Variants in SYNGR1 observed in about 807,000 individuals in gnomAD.
The protein encoded by SYNGR1 is synaptogyrin 1.
In SYNGR1, 14 loss-of-function variants were observed where a neutral mutation model predicts 26.1. The ratio of observed to expected loss-of-function variants is 0.54; its 90% CI spans 0.35 to 0.84. The LOEUF is 0.84. SYNGR1 is among the 40% of genes least tolerant of loss of function. SYNGR1 has a pLI of 0.01. For synonymous variants in SYNGR1, 141 were observed against 150.1 expected (o/e 0.94, Z 0.44); for missense variants, 319 against 332.9 (o/e 0.96, Z 0.33).
chr22:39,375,547 A>G (rs1601665160), intron 2 of SYNGR1: 1 of 277,440 alleles, frequency 3.6e-6, no homozygotes, highest in South Asian at 7.1e-5. Flanking sequence ...GCCCAGACCC[A>G]CCCAGCCAAG....
At chr22:39,366,270 T>G (rs1924754612) in intron 1 of SYNGR1, among the ~76,000 whole-genome samples, 1 of 150,344 alleles carries the variant, frequency 6.7e-6, no homozygotes, top group South Asian at 2.2e-4. Flanking sequence ...ATCACAGGCG[T>G]GAGCCACCAT....
chr22:39,350,061 C>G lies in SYNGR1; in HGVS notation c.51C>G (p.Pro17=), dbSNP rs1062694. Residue 17 remains proline, a synonymous_variant, in exon 1 of 4, where the codon CCC becomes CCG. Coordinates refer to ENST00000328933, the MANE Select transcript of SYNGR1 (RefSeq NM_004711.5). The surrounding 1 kb of genome is among the most constrained non-coding windows in gnomAD (Gnocchi z 4.3). ...GAGKAGGAFD[P]YTLVRQPHTI... ...GCAAAGCCGGGGGCGCCTTCGACCCCTACACCCTGGTCCGGCAGCCGCACA... is the reference window on the plus strand; with the variant it reads ...GCAAAGCCGGGGGCGCCTTCGACCCGTACACCCTGGTCCGGCAGCCGCACA... 6.8e-7 allele frequency: 1 copy of G among 1,461,904 alleles called. No homozygotes were observed. The highest frequency in any genetic ancestry group is 3.1e-5 in the East Asian group (1 of 32,564). The allele number at this position is 1,461,904 out of a possible 1,614,324, so 90.6% of individuals were successfully genotyped here.
chr22:39,368,393 G>C (rs1377497490), intron 1 of SYNGR1, among the ~76,000 whole-genome samples: 1 of 152,144 alleles, frequency 6.6e-6, no homozygotes, highest in African/African-American at 2.4e-5. Flanking sequence ...CCACACAATC[G>C]GCTCCCACAG....
chr22:39,376,385 C>T (rs774153214), intron 3 of SYNGR1, among the ~76,000 whole-genome samples, 188 bp downstream of exon 3: 2 of 152,148 alleles, frequency 1.3e-5, no homozygotes, highest in Admixed American at 6.5e-5. Flanking sequence ...GAGGCTACAG[C>T]CCTCGGGGGT....
intron 3 of SYNGR1, among the ~76,000 whole-genome samples, chr22:39,378,775 C>G (rs934923773): frequency 2.6e-5 from 4 of 152,230 alleles, no homozygotes; most frequent in Non-Finnish European, 4.4e-5. Context: ...TCCCTGGGCT[C>G]TCAGTAGAAC....
Position 39,385,033 on chromosome 22 carries a change from T to G in SYNGR1, c.*3119T>G, listed in dbSNP as rs1486295443. 2.5e-6 allele frequency: 1 copy of G among 398,910 alleles called. No individual in the cohort carries two copies. Among genetic ancestry groups the G allele is most frequent in the Non-Finnish European group, 4.4e-6 (1 of 226,102 alleles). The allele number at this position is 398,910 out of a possible 1,614,324, so 24.7% of individuals were successfully genotyped here. On this transcript the variant is annotated 3_prime_UTR_variant, in exon 4 of 4. Transcript: ENST00000328933. ...GTTAGTTCCCTACTCCATCCTTCCC[T>G]GGTGATTCTTGATCTTCAAAGCCTC...
intron 3 of SYNGR1, chr22:39,377,163 T>C: frequency 6.8e-7 from 1 of 1,471,304 alleles, no homozygotes; most frequent in Non-Finnish European, 9.0e-7. Flanking sequence ...CAGCCGTCCC[T>C]GTTTCCCCCA....
At chr22:39,363,140 G>T (rs1415322409) in intron 1 of SYNGR1, among the ~76,000 whole-genome samples, 1 of 152,124 alleles carries the variant, frequency 6.6e-6, no homozygotes, top group Non-Finnish European at 1.5e-5. Context: ...GAGTGTGAAT[G>T]CCCTGAGGCA....
chr22:39,353,241 T>C (rs1923997888), intron 1 of SYNGR1, among the ~76,000 whole-genome samples: 1 of 152,176 alleles, frequency 6.6e-6, no homozygotes, highest in Non-Finnish European at 1.5e-5. Context: ...CCCCAAATCA[T>C]GTAAGCTTCA....
At chr22:39,377,061 C>T in intron 3 of SYNGR1, 1 of 1,550,978 alleles carries the variant, frequency 6.4e-7, no homozygotes, top group Non-Finnish European at 8.7e-7. Flanking sequence ...AAGAGCCCTC[C>T]CCATAACCCA....
rs1229490446 is a variant in SYNGR1, at chr22:39,349,999, G to T, written c.-12G>T. On this transcript the variant is annotated 5_prime_UTR_variant, in exon 1 of 4. Transcript: ENST00000328933. ...CGCGCCGAGCGGGGGGCACCGCGCG[G>T]GTGCAGCCACGATGGAAGGGGGTGC... is the stretch of plus-strand genomic sequence containing the variant. The T allele has an allele frequency of 8.2e-7, 1 of 1,220,540 alleles. No individual in the cohort carries two copies. The highest frequency in any genetic ancestry group is 3.0e-5 in the Admixed American group (1 of 33,312). The allele number at this position is 1,220,540 out of a possible 1,614,324, so 75.6% of individuals were successfully genotyped here.
At chr22:39,370,988 GAT>G (rs1476449490) in intron 1 of SYNGR1, among the ~76,000 whole-genome samples, 2 of 152,200 alleles carry the variant, frequency 1.3e-5, no homozygotes, top group East Asian at 3.9e-4. Flanking sequence ...ATTCAATGTA[GAT>G]TTATTGGTTT....
chr22:39,385,128 C>A lies in SYNGR1; in HGVS notation c.*3214C>A. 1 of 397,582 alleles carries A rather than the reference C, an allele frequency of 2.5e-6. No individual in the cohort carries two copies. The highest frequency in any genetic ancestry group is 4.4e-6 in the Non-Finnish European group (1 of 225,592). 24.6% of individuals were successfully genotyped at this position (397,582 alleles called of 1,614,324 possible). On this transcript the variant is annotated 3_prime_UTR_variant, in exon 4 of 4. Coordinates refer to ENST00000328933, the MANE Select transcript of SYNGR1 (RefSeq NM_004711.5). ...AGCCCTGGGAGACCCCTAACCTTGG[C>A]CCAAGACCCCTTTGATTCTCTAAGG...
intron 3 of SYNGR1, among the ~76,000 whole-genome samples, chr22:39,380,918 G>A (rs1925478845): frequency 6.6e-6 from 1 of 152,044 alleles, no homozygotes; most frequent in African/African-American, 2.4e-5. Flanking sequence ...GTCGCGCCTG[G>A]CCTCTCCTGC....
At chr22:39,364,920 G>A (rs572162125) in intron 1 of SYNGR1, among the ~76,000 whole-genome samples, 4 of 152,242 alleles carry the variant, frequency 2.6e-5, no homozygotes, top group East Asian at 3.9e-4. Flanking sequence ...TCTGGAATCC[G>A]TTTTTAAAAA....
chr22:39,369,009 G>A (rs1168825494), intron 1 of SYNGR1, among the ~76,000 whole-genome samples: 1 of 152,232 alleles, frequency 6.6e-6, no homozygotes, highest in Non-Finnish European at 1.5e-5. Context: ...CTGAGGCTCG[G>A]AGAGGTTAAG....
At chr22:39,376,256 G>C in intron 3 of SYNGR1, 59 bp downstream of exon 3, 1 of 1,612,916 alleles carries the variant, frequency 6.2e-7, no homozygotes, top group East Asian at 2.2e-5. Flanking sequence ...TGAGCCCCTG[G>C]ATGGGTGGCC....
chr22:39,371,012 C>G (rs190465245), intron 1 of SYNGR1, among the ~76,000 whole-genome samples: 3 of 152,290 alleles, frequency 2.0e-5, no homozygotes, highest in Admixed American at 1.3e-4. Flanking sequence ...ATATATGCTA[C>G]TACTGTACTA....
intron 3 of SYNGR1, among the ~76,000 whole-genome samples, chr22:39,380,414 T>TC (rs1569184076): frequency 6.6e-6 from 1 of 151,906 alleles, no homozygotes; most frequent in African/African-American, 2.4e-5. Flanking sequence ...CATCTTTCCT[T>TC]TTTTTTAGAG....
Sources: gnomAD v4.1 joint callset for allele counts (sites outside exome capture counted in the v4.1 genomes callset) on GRCh38, gnomAD v4.1.1 for gene constraint, Gnocchi (gnomAD v3.1) non-coding constraint, MANE v1.5 for transcripts, NCBI Gene and HGNC (gene_info 2026-07-23, HGNC 2026-07-21) for gene names.